The following TPTE variants were observed in gnomAD, a reference collection of about 807,000 sequenced individuals.
TPTE encodes transmembrane phosphatase with tensin homology, also known as putative tyrosine-protein phosphatase TPTE.
TPTE carries 59 observed loss-of-function variants against 84.1 expected under a neutral mutation model. The ratio of observed to expected loss-of-function variants is 0.70; its 90% CI spans 0.57 to 0.87. The LOEUF (loss-of-function observed/expected upper bound fraction) is 0.87. Ranked by LOEUF, TPTE falls within the 40% of genes least tolerant of loss-of-function variation. The pLI, the probability that TPTE is intolerant of heterozygous loss-of-function variation, is 0.00. For synonymous variants in TPTE, 130 were observed against 223.5 expected (o/e 0.58, Z 3.73); for missense variants, 382 against 659.6 (o/e 0.58, Z 4.61).
chr21:10,575,741 G>C (rs1387646702), intron 14 of TPTE, among the ~76,000 whole-genome samples: 78 of 152,120 alleles, frequency 5.1e-4, no homozygotes, highest in South Asian at 8.3e-4. Flanking sequence ...AAATTTACAA[G>C]AAAAACACAA....
rs373705939 is a variant in TPTE, at chr21:10,569,715, T to C, written c.699T>C (p.Asp233=). 10 of 1,613,896 alleles carry C rather than the reference T, an allele frequency of 6.2e-6. No individual in the cohort carries two copies. Among genetic ancestry groups the C allele is most frequent in the Non-Finnish European group, 8.5e-6 (10 of 1,179,848 alleles). Residue 233 remains aspartate (D), a synonymous_variant, in exon 13 of 24, where the codon GAT becomes GAC. Transcript: ENST00000618007. ...VSENKRRYTR[D]GFDLDLTYVT... ...AAAACAAAAGGCGATACACAAGGGA[T>C]GGATTTGACCTAGACCTCACTTACG... is the stretch of plus-strand genomic sequence containing the variant.
chr21:10,590,519 C>A lies in TPTE; in HGVS notation c.1085C>A (p.Ala362Glu). ...FLIASEICST[A>E]KESLYYFGER... is the part of the protein sequence containing the mutation. ...ATTGCCTCTGAAATATGTTCAACTGCAAAGGTATGAAAGATGTTCTACAAA... is the reference window on the plus strand; with the variant it reads ...ATTGCCTCTGAAATATGTTCAACTGAAAAGGTATGAAAGATGTTCTACAAA... The change falls in exon 18 of 24, where the codon GCA (alanine) becomes GAA (glutamate). Residue 362 changes from alanine to glutamate, a missense_variant. Transcript: ENST00000618007. 2 of 1,614,044 alleles carry A rather than the reference C, an allele frequency of 1.2e-6. No homozygotes were observed. The highest frequency in any genetic ancestry group is 1.7e-6 in the Non-Finnish European group (2 of 1,179,890).
At chr21:10,590,683 G>A (rs2075457086) in intron 18 of TPTE, among the ~76,000 whole-genome samples, 160 bp downstream of exon 18, 1 of 152,306 alleles carries the variant, frequency 6.6e-6, no homozygotes, top group African/African-American at 2.4e-5. Context: ...ATACTTTCTT[G>A]TTTAATGTGC....
chr21:10,555,925 C>T (rs1319293451), intron 8 of TPTE, among the ~76,000 whole-genome samples: 1 of 152,312 alleles, frequency 6.6e-6, no homozygotes, highest in Non-Finnish European at 1.5e-5. Flanking sequence ...CTATCTTCTT[C>T]CACACCTTGA....
chr21:10,548,339 G>A (rs540740829), intron 7 of TPTE, among the ~76,000 whole-genome samples: 350 of 152,200 alleles, frequency 2.3e-3, no homozygotes, highest in African/African-American at 8.0e-3. Context: ...AAATAGTCCT[G>A]TATCCATTCC....
At chr21:10,586,638 T>C (rs560111654) in intron 17 of TPTE, among the ~76,000 whole-genome samples, 4 of 152,416 alleles carry the variant, frequency 2.6e-5, no homozygotes, top group African/African-American at 9.6e-5. Flanking sequence ...AATATAATTC[T>C]TTCCTTCTCA....
At chr21:10,576,106 T>G in intron 14 of TPTE, among the ~76,000 whole-genome samples, 1 of 152,310 alleles carries the variant, frequency 6.6e-6, no homozygotes, top group Non-Finnish European at 1.5e-5. Flanking sequence ...AATCATTGTC[T>G]TATAAAAATA....
At chr21:10,539,041 G>A (rs1183995332) in intron 4 of TPTE, among the ~76,000 whole-genome samples, 8 of 152,412 alleles carry the variant, frequency 5.2e-5, no homozygotes, top group Non-Finnish European at 8.8e-5. Context: ...CTTTTCTAAC[G>A]GAGTGATATA....
At chr21:10,597,412 C>CTTTTTT (rs146272836) in intron 20 of TPTE, among the ~76,000 whole-genome samples, 36 of 139,876 alleles carry the variant, frequency 2.6e-4, no homozygotes, top group South Asian at 6.9e-4. Flanking sequence ...TTTCTTTTTT[C>CTTTTTT]TTTTTTTTTT....
intron 7 of TPTE, among the ~76,000 whole-genome samples, chr21:10,545,560 T>C (rs1222546018): frequency 2.0e-5 from 3 of 152,304 alleles, no homozygotes; most frequent in East Asian, 1.9e-4. Context: ...ATATTTGATA[T>C]AACTCACCTT....
At chr21:10,522,517 A>C (rs1456584684) in intron 1 of TPTE, among the ~76,000 whole-genome samples, 1 of 152,304 alleles carries the variant, frequency 6.6e-6, no homozygotes, top group Non-Finnish European at 1.5e-5. Context: ...GACAAGTTGG[A>C]AACGGTCAAA....
At chr21:10,557,871 C>G (rs1336103226) in intron 8 of TPTE, among the ~76,000 whole-genome samples, 10 of 152,302 alleles carry the variant, frequency 6.6e-5, no homozygotes, top group African/African-American at 2.4e-4. Flanking sequence ...AGCTCAGTAC[C>G]CAAATAGTTA....
chr21:10,544,978 T>A (rs2074437871), intron 7 of TPTE, among the ~76,000 whole-genome samples: 3 of 120,276 alleles, frequency 2.5e-5, no homozygotes, highest in Non-Finnish European at 6.4e-5. Context: ...CAGAGAAAAA[T>A]TAAATACCAT....
Position 10,559,492 on chromosome 21 carries a change from A to G in TPTE, c.234-2A>G, listed in dbSNP as rs371924577. 1 of 1,611,948 alleles carries G rather than the reference A, an allele frequency of 6.2e-7. No homozygotes were observed. The highest frequency in any genetic ancestry group is 8.5e-7 in the Non-Finnish European group (1 of 1,179,860). On this transcript the variant is annotated splice_acceptor_variant, in intron 8 of 23. Transcript: ENST00000618007. LOFTEE classifies it high-confidence loss of function. ...TAATTTTATTTTTACTTCTTTTTGCAGCAGCAAGATTAAGAAAATTGTGCA... is the reference window on the plus strand; with the variant it reads ...TAATTTTATTTTTACTTCTTTTTGCGGCAGCAAGATTAAGAAAATTGTGCA...
chr21:10,531,176 G>A (rs2074171847), intron 3 of TPTE, among the ~76,000 whole-genome samples: 2 of 152,310 alleles, frequency 1.3e-5, no homozygotes, highest in South Asian at 4.1e-4. Flanking sequence ...TGGTGTTATT[G>A]TTTGGAGATT....
intron 7 of TPTE, 32 bp downstream of exon 7, chr21:10,543,414 G>A (rs2074407297): frequency 1.2e-6 from 2 of 1,614,002 alleles, no homozygotes; most frequent in Middle Eastern, 1.7e-4. Flanking sequence ...ACACACGTAT[G>A]CATAAGAGTG....
At chr21:10,558,875 C>T in intron 8 of TPTE, among the ~76,000 whole-genome samples, 1 of 152,420 alleles carries the variant, frequency 6.6e-6, no homozygotes, top group South Asian at 2.1e-4. Flanking sequence ...TTATTGGAGG[C>T]TCCATCAAAC....
chr21:10,523,353 GGTTA>G (rs1335284756), intron 1 of TPTE, among the ~76,000 whole-genome samples: 5 of 152,368 alleles, frequency 3.3e-5, no homozygotes, highest in Admixed American at 6.5e-5. Context: ...ACAATGTGCA[GGTTA>G]GTTACATATG....
At chr21:10,522,363 G>T (rs2073996721) in intron 1 of TPTE, among the ~76,000 whole-genome samples, 1 of 152,184 alleles carries the variant, frequency 6.6e-6, no homozygotes, top group East Asian at 1.9e-4. Context: ...CCGGGGGTCT[G>T]CGGGGGTGGG....
Sources: allele counts gnomAD v4.1 joint callset (sites outside exome capture counted in the v4.1 genomes callset), GRCh38; gene constraint gnomAD v4.1.1; transcripts MANE v1.5; gene names NCBI Gene and HGNC (gene_info 2026-07-23, HGNC 2026-07-21).